CMIP: variants seen among roughly 807,000 people sequenced by gnomAD.
CMIP encodes the protein c-Maf inducing protein, also known as C-Maf-inducing protein.
In CMIP, 13 loss-of-function variants were observed where a neutral mutation model predicts 97.3. The ratio of observed to expected loss-of-function variants is 0.13; its 90% confidence interval spans 0.09 to 0.21. The LOEUF (loss-of-function observed/expected upper bound fraction) is 0.21. CMIP is among the 10% of genes least tolerant of loss of function. CMIP has a pLI of 1.00. For synonymous variants in CMIP, 538 were observed against 436.3 expected (o/e 1.23, Z -2.91); for missense variants, 847 against 1,024.9 (o/e 0.83, Z 2.37).
Position 81,664,315 on chromosome 16 carries a change from C to A in CMIP, c.791C>A (p.Thr264Asn), listed in dbSNP as rs2092580093. The part of the protein sequence containing the change: ...PRSMVVIEVF[T>N]PVVQRILKHN... ...TCCATGGTGGTCATCGAGGTGTTCA[C>A]CCCCGTGGTGCAGCGAATCCTCAAG... Residue 264 changes from threonine to asparagine, a missense_variant, in exon 7 of 21, where the codon ACC (threonine) becomes AAC (asparagine). Thr to Asn is a moderately conservative substitution (Grantham distance 65). Around this residue, in one of 4 missense-constraint regions of CMIP, gnomAD observed 285 missense variants for 392.2 expected, o/e 0.73. Transcript: ENST00000537098. 6.2e-7 allele frequency: 1 copy of A among 1,601,126 alleles called. No homozygotes were observed. Among genetic ancestry groups the A allele is most frequent in the African/African-American group, 1.3e-5 (1 of 74,622 alleles).
At chr16:81,633,403 C>T (rs1293512655) in intron 3 of CMIP, among the ~76,000 whole-genome samples, 1 of 152,206 alleles carries the variant, frequency 6.6e-6, no homozygotes, top group Non-Finnish European at 1.5e-5. Flanking sequence ...GAGATGAGGC[C>T]AAACAGAGAC....
At chr16:81,707,545 G>A (rs1476221279) in intron 20 of CMIP, among the ~76,000 whole-genome samples, 1 of 152,234 alleles carries the variant, frequency 6.6e-6, no homozygotes, top group Non-Finnish European at 1.5e-5. Context: ...CTGGCTGTTA[G>A]GAAATAAATA....
chr16:81,517,958 A>C, intron 1 of CMIP: 3 of 975,526 alleles, frequency 3.1e-6, no homozygotes, highest in Non-Finnish European at 3.7e-6. Flanking sequence ...AATGAACGCC[A>C]GTGGATGTGT....
rs1457678516 is a variant in CMIP, at chr16:81,710,052, G to T, written c.*253G>T. 1 of 174,202 alleles carries T rather than the reference G, an allele frequency of 5.7e-6. No homozygotes were observed. Among genetic ancestry groups the T allele is most frequent in the Non-Finnish European group, 1.2e-5 (1 of 84,960 alleles). The allele number at this position is 174,202 out of a possible 1,614,324, so 10.8% of individuals were successfully genotyped here. On this transcript the variant is annotated 3_prime_UTR_variant, in exon 21 of 21. Coordinates refer to ENST00000537098, the MANE Select transcript of CMIP (RefSeq NM_198390.3). Reference sequence around the variant, plus strand: ...AAAGTGGACTTTGTAGCAACAAGAGGAGCATCAGCGGGTCGGGGAGGGGTT... The same window carrying T: ...AAAGTGGACTTTGTAGCAACAAGAGTAGCATCAGCGGGTCGGGGAGGGGTT...
intron 1 of CMIP, chr16:81,518,976 C>A (rs535091846): frequency 6.6e-6 from 1 of 152,010 alleles, no homozygotes; most frequent in Non-Finnish European, 1.5e-5. Context: ...GCTGGGATTA[C>A]AGGCGCCCGC....
intron 1 of CMIP, among the ~76,000 whole-genome samples, chr16:81,512,026 A>G (rs765918909): frequency 8.5e-5 from 13 of 152,200 alleles, no homozygotes; most frequent in Non-Finnish European, 1.9e-4. Context: ...CTCACTACTC[A>G]TTTTTTGTAT....
intron 1 of CMIP, among the ~76,000 whole-genome samples, chr16:81,552,471 G>C (rs1372681185): frequency 2.0e-5 from 3 of 152,152 alleles, no homozygotes; most frequent in Non-Finnish European, 4.4e-5. Flanking sequence ...GAGGTTCTAG[G>C]GGACAGAATC....
chr16:81,582,867 T>G lies in CMIP; in HGVS notation c.301-24700T>G, dbSNP rs928689456. Among the ~76,000 whole-genome samples the G allele has an allele frequency of 1.2e-4, 18 of 151,472 alleles. No homozygotes were observed. The South Asian group carries it at 1.7e-3, about 14-fold the overall frequency. On this transcript the variant is annotated intron_variant, in intron 1 of 20. Coordinates refer to ENST00000537098, the MANE Select transcript of CMIP (RefSeq NM_198390.3). ...TAAAACGAAAATGACAGAAAGAAAATGAAGATAAAGAGTGCACGGCAGTTG... is the reference window on the plus strand; with the variant it reads ...TAAAACGAAAATGACAGAAAGAAAAGGAAGATAAAGAGTGCACGGCAGTTG...
chr16:81,487,750 A>T (rs973246286), intron 1 of CMIP, among the ~76,000 whole-genome samples: 1 of 152,102 alleles, frequency 6.6e-6, no homozygotes, highest in Non-Finnish European at 1.5e-5. Context: ...AAAGGAAAAA[A>T]CCCATGCAAA....
At chr16:81,517,497 A>T (rs1248888455) in intron 1 of CMIP, among the ~76,000 whole-genome samples, 1 of 152,256 alleles carries the variant, frequency 6.6e-6, no homozygotes, top group African/African-American at 2.4e-5. Flanking sequence ...GCATAGAAAA[A>T]TGAGACCAAG....
intron 1 of CMIP, among the ~76,000 whole-genome samples, chr16:81,562,905 C>T (rs2150875363): frequency 6.6e-6 from 1 of 152,342 alleles, no homozygotes; most frequent in East Asian, 1.9e-4. Flanking sequence ...ATCCAAAGCC[C>T]TTGCCCTTGT....
chr16:81,588,787 G>A (rs751181866), intron 1 of CMIP, among the ~76,000 whole-genome samples: 3 of 152,078 alleles, frequency 2.0e-5, no homozygotes, highest in East Asian at 1.9e-4. Flanking sequence ...TGCTGTACAC[G>A]CTGACATTCA....
At chr16:81,459,660 A>G (rs1458670050) in intron 1 of CMIP, among the ~76,000 whole-genome samples, 1 of 152,188 alleles carries the variant, frequency 6.6e-6, no homozygotes, top group Admixed American at 6.5e-5. Context: ...ACTGCCTCTG[A>G]CTGGTGGCCT....
rs1194403841 is a variant in CMIP at position 81,705,522 on chromosome 16, C to G, written c.2115C>G (p.Leu705=). The G allele has an allele frequency of 6.2e-7, 1 of 1,607,756 alleles. No homozygotes were observed. Among genetic ancestry groups the G allele is most frequent in the East Asian group, 2.2e-5 (1 of 44,644 alleles). The change falls in exon 19 of 21, where the codon CTC becomes CTG. Residue 705 remains leucine (L), a synonymous_variant. Coordinates refer to ENST00000537098, the MANE Select transcript of CMIP (RefSeq NM_198390.3). The part of the protein sequence containing the change: ...STQFGDAGLR[L]LSEHLTMLQV... ...AGTTTGGAGACGCTGGCCTTCGGCTCCTGTCGGAACACCTCACCATGCTCC... is the reference window on the plus strand; with the variant it reads ...AGTTTGGAGACGCTGGCCTTCGGCTGCTGTCGGAACACCTCACCATGCTCC...
At chr16:81,611,289 A>C (rs930032119) in intron 2 of CMIP, 1 of 152,238 alleles carries the variant, frequency 6.6e-6, no homozygotes, top group Admixed American at 6.5e-5. Flanking sequence ...CTCATACTGC[A>C]GGCACCTGAG....
At chr16:81,667,795 AGAGAGTGT>A (rs1231693072) in intron 7 of CMIP, among the ~76,000 whole-genome samples, 840 of 67,828 alleles carry the variant, frequency 0.012, 2 homozygotes, top group African/African-American at 0.031. Flanking sequence ...AGAGAGAGAG[AGAGAGTGT>A]GTGTGTGTGT....
At chr16:81,605,944 T>C (rs947048395) in intron 1 of CMIP, among the ~76,000 whole-genome samples, 8 of 152,252 alleles carry the variant, frequency 5.3e-5, no homozygotes, top group Non-Finnish European at 2.9e-5. Context: ...TTTGTACTTT[T>C]TGAGCCTAGC....
chr16:81,546,756 A>T (rs1320010737), intron 1 of CMIP, among the ~76,000 whole-genome samples: 10 of 152,126 alleles, frequency 6.6e-5, no homozygotes, highest in Admixed American at 6.5e-4. Flanking sequence ...ACTGGATGGG[A>T]GCTAGACATC....
intron 1 of CMIP, among the ~76,000 whole-genome samples, chr16:81,528,212 T>G (rs1023507063): frequency 1.3e-5 from 2 of 152,192 alleles, no homozygotes; most frequent in African/African-American, 4.8e-5. Context: ...CATGACAACT[T>G]CATAGAAAAA....
Sources: allele counts gnomAD v4.1 joint callset (sites outside exome capture counted in the v4.1 genomes callset), GRCh38; gene constraint gnomAD v4.1.1; regional missense constraint gnomAD v4.1.1; transcripts MANE v1.5; gene names NCBI Gene and HGNC (gene_info 2026-07-23, HGNC 2026-07-21).